The following PARG variants were observed in gnomAD, a reference collection of about 807,000 sequenced individuals.
PARG encodes the protein poly(ADP-ribose) glycohydrolase, also known as mitochondrial poly(ADP-ribose) glycohydrolase.
PARG carries 35 observed loss-of-function variants against 113.0 expected under a neutral mutation model. The observed-to-expected ratio is 0.31, with a 90% CI of 0.24 to 0.41. The LOEUF (loss-of-function observed/expected upper bound fraction) is 0.41. PARG is among the 10% of genes least tolerant of loss of function. The pLI is 1.00. For missense variants in PARG, 797 were observed against 1,169.4 expected (o/e 0.68, Z 4.64); for synonymous variants, 330 against 409.9 (o/e 0.81, Z 2.36).
At chr10:49,890,132 A>G (rs1847696623) in intron 7 of PARG, among the ~76,000 whole-genome samples, 1 of 152,232 alleles carries the variant, frequency 6.6e-6, no homozygotes, top group Non-Finnish European at 1.5e-5. Flanking sequence ...TGATGATTAT[A>G]AGGGAGGTAA....
At chr10:49,891,109 T>C (rs1272777339) in intron 7 of PARG, among the ~76,000 whole-genome samples, 2 of 152,140 alleles carry the variant, frequency 1.3e-5, no homozygotes, top group Non-Finnish European at 2.9e-5. Context: ...GGTCAGGAGA[T>C]CAAGACCATC....
intron 13 of PARG, among the ~76,000 whole-genome samples, chr10:49,845,893 T>C (rs1425136996): frequency 6.6e-5 from 10 of 151,702 alleles, no homozygotes; most frequent in Non-Finnish European, 1.2e-4. Context: ...TGAGACTTTG[T>C]CTCAAAGGAA....
rs948476777 is a variant in PARG at position 49,836,171 on chromosome 10, T to C, written c.2542-3263A>G. Among the ~76,000 whole-genome samples, 9 of 152,274 alleles carry C rather than the reference T, an allele frequency of 5.9e-5. No individual in the cohort carries two copies. The East Asian group carries it at 1.7e-3, about 29-fold the overall frequency. On this transcript the variant is annotated intron_variant, in intron 15 of 17. Transcript: ENST00000616448. ...CATGTAAATACATTATTCTATTTGC[T>C]GGAATAATTTAATAATTATTGTTCC...
chr10:49,890,588 C>A (rs1393744707), intron 7 of PARG, among the ~76,000 whole-genome samples: 19 of 152,124 alleles, frequency 1.2e-4, no homozygotes, highest in Non-Finnish European at 2.4e-4. Flanking sequence ...ACACATCAGC[C>A]CTAACCTAGG....
chr10:49,906,144 C>CCTTTTTT (rs1554844906), intron 7 of PARG, among the ~76,000 whole-genome samples: 3 of 111,062 alleles, frequency 2.7e-5, no homozygotes, highest in African/African-American at 9.0e-5. Context: ...GATGCTGCCG[C>CCTTTTTT]TTTTTTTTTT....
rs1425607538 is a variant in PARG at position 49,929,506 on chromosome 10, T to A, written c.1455+2594A>T. On this transcript the variant is annotated intron_variant, in intron 4 of 17. Coordinates refer to ENST00000616448, the MANE Select transcript of PARG (RefSeq NM_003631.5). ...CCTAAGAAATTTGACATAAAGTCATTTAAAGTCACACCAAAGCTATTTTTA... is the reference window on the plus strand; with the variant it reads ...CCTAAGAAATTTGACATAAAGTCATATAAAGTCACACCAAAGCTATTTTTA... Among the ~76,000 whole-genome samples the A allele has an allele frequency of 2.6e-5, 4 of 152,400 alleles. No homozygotes were observed. The East Asian group carries it at 7.7e-4, about 29-fold the overall frequency.
chr10:49,893,131 T>G (rs1303560891), intron 7 of PARG, among the ~76,000 whole-genome samples: 2 of 3,944 alleles, frequency 5.1e-4, no homozygotes, highest in South Asian at 0.028. Flanking sequence ...AGGGTAAGTA[T>G]ATGTTCAGTT....
chr10:49,841,915 A>C, intron 15 of PARG, 35 bp downstream of exon 15: 1 of 1,311,046 alleles, frequency 7.6e-7, no homozygotes, highest in Non-Finnish European at 1.1e-6. Flanking sequence ...AATAGATGAC[A>C]GCTGCCAGAT....
intron 6 of PARG, among the ~76,000 whole-genome samples, chr10:49,917,500 A>G (rs1238034332): frequency 4.7e-5 from 7 of 149,930 alleles, no homozygotes; most frequent in South Asian, 4.2e-4. Context: ...AAAAAAAAAA[A>G]AAAAAAAGAA....
At chr10:49,851,995 T>C (rs1364116223) in intron 13 of PARG, among the ~76,000 whole-genome samples, 5 of 151,628 alleles carry the variant, frequency 3.3e-5, no homozygotes, top group African/African-American at 1.2e-4. Context: ...CCCACAATGA[T>C]GATAAATTTA....
intron 6 of PARG, among the ~76,000 whole-genome samples, chr10:49,918,774 T>C (rs1479018971): frequency 8.5e-5 from 13 of 152,244 alleles, no homozygotes; most frequent in East Asian, 1.9e-4. Flanking sequence ...CATAAGCAGA[T>C]AGAAAAATAT....
intron 7 of PARG, among the ~76,000 whole-genome samples, chr10:49,895,739 G>A (rs1341071087): frequency 1.1e-4 from 17 of 151,896 alleles, no homozygotes; most frequent in African/African-American, 3.9e-4. Context: ...TGAGTCATCC[G>A]GTCCATGAGC....
At chr10:49,900,772 T>G in intron 7 of PARG, among the ~76,000 whole-genome samples, 1 of 151,692 alleles carries the variant, frequency 6.6e-6, no homozygotes, top group Non-Finnish European at 1.5e-5. Context: ...TATTTCTCAC[T>G]TCTATTACTG....
chr10:49,916,945 A>T (rs1588985675), intron 6 of PARG, among the ~76,000 whole-genome samples: 1 of 152,214 alleles, frequency 6.6e-6, no homozygotes, highest in Non-Finnish European at 1.5e-5. Context: ...ATAAGTTTTT[A>T]AAAAATTAAT....
At chr10:49,856,516 G>C (rs1290760165) in intron 13 of PARG, among the ~76,000 whole-genome samples, 2 of 152,174 alleles carry the variant, frequency 1.3e-5, no homozygotes, top group Non-Finnish European at 2.9e-5. Flanking sequence ...ATTCAAAATA[G>C]GGTAAACAAA....
chr10:49,923,429 T>C (rs1225401933), intron 4 of PARG, among the ~76,000 whole-genome samples: 1 of 152,176 alleles, frequency 6.6e-6, no homozygotes, highest in Admixed American at 6.5e-5. Flanking sequence ...TAGAACCTGG[T>C]ATGTGTACAT....
At chr10:49,895,874 G>A (rs548005586) in intron 7 of PARG, among the ~76,000 whole-genome samples, 18 of 152,146 alleles carry the variant, frequency 1.2e-4, no homozygotes, top group African/African-American at 3.1e-4. Flanking sequence ...GTTTTTTAAA[G>A]CTATTTTTAA....
At chr10:49,927,989 A>AGGC (rs1564665465) in intron 4 of PARG, among the ~76,000 whole-genome samples, 40 of 151,338 alleles carry the variant, frequency 2.6e-4, no homozygotes, top group African/African-American at 9.2e-4. Flanking sequence ...AAAAAGAAGA[A>AGGC]GGCCAGGAAC....
chr10:49,911,574 C>T (rs1440223884), intron 7 of PARG, among the ~76,000 whole-genome samples: 3 of 152,216 alleles, frequency 2.0e-5, no homozygotes, highest in South Asian at 4.1e-4. Context: ...ACAGCCATTT[C>T]GACTCAGTAG....
Sources: allele counts gnomAD v4.1 joint callset (sites outside exome capture counted in the v4.1 genomes callset), GRCh38; gene constraint gnomAD v4.1.1; transcripts MANE v1.5; gene names NCBI Gene and HGNC (gene_info 2026-07-23, HGNC 2026-07-21).